Variants in ANKS3 observed in about 807,000 individuals in gnomAD.
ANKS3 encodes ankyrin repeat and SAM domain-containing protein 3.
A neutral mutation model predicts 80.7 loss-of-function variants in ANKS3; 62 were observed. The ratio of observed to expected loss-of-function variants is 0.77; its 90% CI spans 0.63 to 0.95. ANKS3 has a LOEUF of 0.95. ANKS3 is among the 40% of genes least tolerant of loss of function. ANKS3 has a pLI of 0.00. For synonymous variants in ANKS3, 489 were observed against 355.3 expected (o/e 1.38, Z -4.23); for missense variants, 1,150 against 883.6 (o/e 1.30, Z -3.82).
chr16:4,716,225 T>C (rs1216056645), intron 6 of ANKS3, among the ~76,000 whole-genome samples: 1 of 151,386 alleles, frequency 6.6e-6, no homozygotes, highest in Non-Finnish European at 1.5e-5. Flanking sequence ...CCGGGCGTGG[T>C]GGTGGGCACC....
chr16:4,713,877 A>AT lies in ANKS3; in HGVS notation c.709+173dup. ...ACCACTCTCCATCGTAACCATCCTTATCTCCTGTTAGAGCAGGGGCCTCAA... is the reference window on the plus strand; with the variant it reads ...ACCACTCTCCATCGTAACCATCCTTATTCTCCTGTTAGAGCAGGGGCCTCAA... On this transcript the variant is annotated intron_variant, in intron 7 of 17. Transcript: ENST00000304283. 6 of 879,170 alleles carry AT rather than the reference A, an allele frequency of 6.8e-6. No individual in the cohort carries two copies. The South Asian group carries it at 1.1e-4, about 16-fold the overall frequency. The allele number at this position is 879,170 out of a possible 1,614,324, so 54.5% of individuals were successfully genotyped here. A position where few individuals can be genotyped will look rare whatever the true frequency, so the allele number is the denominator to read the frequency against.
chr16:4,702,237 C>G lies in ANKS3; in HGVS notation c.874G>C (p.Ala292Pro). The G allele has an allele frequency of 1.3e-6, 2 of 1,575,378 alleles. No individual in the cohort carries two copies. The highest frequency in any genetic ancestry group is 1.7e-6 in the Non-Finnish European group (2 of 1,161,554). The change falls in exon 9 of 18, where the codon GCT becomes CCT. Residue 292 changes from alanine (A) to proline (P), a missense_variant. By Grantham distance (27) the Ala-to-Pro change is conservative. Coordinates refer to ENST00000304283, the MANE Select transcript of ANKS3 (RefSeq NM_133450.4). Reference sequence around the variant, plus strand: ...AAGGTGACATAGCCACGGGGAGGAGCCTGCTCTGTGTACAGAATGGGGCCC... The same window carrying G: ...AAGGTGACATAGCCACGGGGAGGAGGCTGCTCTGTGTACAGAATGGGGCCC... ...GRAPRPRYEQ[A>P]PPRGYVTFNS...
Position 4,697,390 on chromosome 16 carries a change from G to T in ANKS3, c.1837C>A (p.Gln613Lys). ...GAGAGCTCGGGGAGGCTCATGGCCT[G>T]CAGGGACGCTTGCCAGCCCTTGGAG... is the stretch of plus-strand genomic sequence containing the variant. ...ADSKGWQASL[Q>K]AMSLPELSGA... The change falls in exon 16 of 18, where the codon CAG becomes AAG. Residue 613 changes from glutamine (Q) to lysine (K), a missense_variant. Gln to Lys is a moderately conservative substitution (Grantham distance 53). Coordinates refer to ENST00000304283, the MANE Select transcript of ANKS3 (RefSeq NM_133450.4). 6.2e-7 allele frequency: 1 copy of T among 1,609,386 alleles called. No homozygotes were observed.
intron 2 of ANKS3, among the ~76,000 whole-genome samples, chr16:4,731,077 G>A (rs757283721): frequency 5.9e-5 from 9 of 152,142 alleles, no homozygotes; most frequent in Non-Finnish European, 1.2e-4. Context: ...AATTTCAAAT[G>A]ATTTACGCTA....
intron 6 of ANKS3, among the ~76,000 whole-genome samples, chr16:4,716,033 A>C (rs1286633876): frequency 1.3e-5 from 2 of 152,004 alleles, no homozygotes; most frequent in Admixed American, 6.6e-5. Context: ...CTGCGGTGAC[A>C]CGGACTAGGG....
At chr16:4,718,784 C>A (rs2080939212) in intron 6 of ANKS3, among the ~76,000 whole-genome samples, 1 of 152,214 alleles carries the variant, frequency 6.6e-6, no homozygotes, top group African/African-American at 2.4e-5. Context: ...CACTTTGATT[C>A]TTGTCAAGTG....
intron 6 of ANKS3, among the ~76,000 whole-genome samples, chr16:4,720,955 A>C (rs1324059187): frequency 6.7e-5 from 10 of 148,596 alleles, no homozygotes; most frequent in Non-Finnish European, 1.5e-4. Context: ...CAAACAAACA[A>C]ACAAAAAAAC....
intron 1 of ANKS3, among the ~76,000 whole-genome samples, chr16:4,732,095 C>G (rs779158432): frequency 2.6e-5 from 4 of 152,130 alleles, no homozygotes; most frequent in Non-Finnish European, 5.9e-5. Context: ...ATGTGGGAGA[C>G]GAACACTTCA....
At chr16:4,701,806 C>T (rs539365804) in intron 9 of ANKS3, 145 of 501,102 alleles carry the variant, frequency 2.9e-4, no homozygotes, top group Admixed American at 8.3e-4. Context: ...AGCTGCTGCA[C>T]GGAGGTGCAG....
At chr16:4,702,482 C>G (rs911205567) in intron 8 of ANKS3, among the ~76,000 whole-genome samples, 1 of 152,206 alleles carries the variant, frequency 6.6e-6, no homozygotes, top group Non-Finnish European at 1.5e-5. Context: ...TGGGCCCTCT[C>G]CATTTCTTTT....
At chr16:4,721,439 T>C (rs1286682707) in intron 6 of ANKS3, among the ~76,000 whole-genome samples, 1 of 149,032 alleles carries the variant, frequency 6.7e-6, no homozygotes, top group Non-Finnish European at 1.5e-5. Flanking sequence ...CAAAACCCCA[T>C]CTCTACAAAA....
chr16:4,705,386 A>T (rs149367389), intron 7 of ANKS3, 133 bp from the exon 8 acceptor site: 22,514 of 1,104,680 alleles, frequency 0.02, 314 homozygotes, highest in Non-Finnish European at 0.024. Context: ...CCAGGGCATC[A>T]CTTCTGAGAA....
intron 6 of ANKS3, among the ~76,000 whole-genome samples, chr16:4,723,331 T>G: frequency 6.6e-6 from 1 of 152,254 alleles, no homozygotes; most frequent in East Asian, 1.9e-4. Context: ...ATTTTCTGTC[T>G]ATGTATTTGC....
In ANKS3 at chr16:4,697,404, C is replaced by CA; in HGVS notation, c.1822dup (p.Trp608LeufsTer23). 1 of 1,607,806 alleles carries CA rather than the reference C, an allele frequency of 6.2e-7. No homozygotes were observed. The highest frequency in any genetic ancestry group is 8.5e-7 in the Non-Finnish European group (1 of 1,177,760). ...GCTCATGGCCTGCAGGGACGCTTGC[C>CA]AGCCCTTGGAGTCTGTGGTGCAGGT... On this transcript the variant is annotated frameshift_variant, in exon 16 of 18. Coordinates refer to ENST00000304283, the MANE Select transcript of ANKS3 (RefSeq NM_133450.4). LOFTEE classifies it high-confidence loss of function.
rs1222278864 is a variant in ANKS3 at position 4,719,680 on chromosome 16, T to G, written c.573+5070A>C. Among the ~76,000 whole-genome samples the G allele has an allele frequency of 2.6e-5, 4 of 151,114 alleles. No homozygotes were observed. The East Asian group carries it at 7.7e-4, about 29-fold the overall frequency. Reference sequence around the variant, plus strand: ...CAGGCGTGGTAGTGCGTGCCTGTAGTCCCAGCTACTGAGGAGGCTGAGGCA... The same window carrying G: ...CAGGCGTGGTAGTGCGTGCCTGTAGGCCCAGCTACTGAGGAGGCTGAGGCA... On this transcript the variant is annotated intron_variant, in intron 6 of 17. Transcript: ENST00000304283.
Position 4,701,527 on chromosome 16 carries a change from A to C in ANKS3, c.1026T>G (p.Cys342Trp). 6.2e-7 allele frequency: 1 copy of C among 1,610,864 alleles called. No individual in the cohort carries two copies. The highest frequency in any genetic ancestry group is 8.5e-7 in the Non-Finnish European group (1 of 1,178,392). ...SSSSREEHAF[C>W]ANLGPVQSSS... ...TGCTCTGGACGGGCCCCAGGTTGGC[A>C]CAGAAAGCATGTTCCTCTGAGGGCG... Residue 342 changes from cysteine to tryptophan, a missense_variant, in exon 10 of 18, where the codon TGT becomes TGG. By Grantham distance (215) the Cys-to-Trp change is radical. Coordinates refer to ENST00000304283, the MANE Select transcript of ANKS3 (RefSeq NM_133450.4).
In ANKS3 at chr16:4,698,878, T is replaced by C; in HGVS notation, c.1473A>G (p.Pro491=). ...AGGCCAGCTCCAGGGCATCCCCGGG[T>C]GGGCGGGCACTGCTGTGCCAGCGGG... ...AIARWHSSAR[P]PGDALELAYA... The change falls in exon 13 of 18, where the codon CCA becomes CCG. Residue 491 remains proline (P), a synonymous_variant. Coordinates refer to ENST00000304283, the MANE Select transcript of ANKS3 (RefSeq NM_133450.4). 6.2e-7 allele frequency: 1 copy of C among 1,601,246 alleles called. No homozygotes were observed. The highest frequency in any genetic ancestry group is 8.5e-7 in the Non-Finnish European group (1 of 1,173,376).
intron 5 of ANKS3, among the ~76,000 whole-genome samples, chr16:4,726,181 T>G (rs1270388094): frequency 6.6e-6 from 1 of 151,810 alleles, no homozygotes; most frequent in African/African-American, 2.4e-5. Context: ...TTTCACCATG[T>G]TAGCCAGGAT....
intron 7 of ANKS3, among the ~76,000 whole-genome samples, chr16:4,710,826 G>A (rs1242950475): frequency 1.3e-5 from 2 of 152,202 alleles, no homozygotes; most frequent in East Asian, 3.8e-4. Context: ...TTGAGATGGA[G>A]TCTCGCTCTG....
Sources: allele counts gnomAD v4.1 joint callset (sites outside exome capture counted in the v4.1 genomes callset), GRCh38; gene constraint gnomAD v4.1.1; transcripts MANE v1.5; gene names NCBI Gene and HGNC (gene_info 2026-07-23, HGNC 2026-07-21).